TERB1: variants seen among roughly 807,000 people sequenced by gnomAD.
The protein encoded by TERB1 is telomere repeats-binding bouquet formation protein 1.
In TERB1, 63 loss-of-function variants were observed where a neutral mutation model predicts 92.3. The ratio of observed to expected loss-of-function variants is 0.68; its 90% CI spans 0.56 to 0.84. The LOEUF is 0.84. Ranked by LOEUF, TERB1 falls within the 40% of genes least tolerant of loss-of-function variation. The pLI is 0.00. For synonymous variants in TERB1, 252 were observed against 283.9 expected (o/e 0.89, Z 1.13); for missense variants, 709 against 843.7 (o/e 0.84, Z 1.98).
Position 66,763,560 on chromosome 16 carries a change from G to A in TERB1, c.1780+3855C>T, listed in dbSNP as rs370112942. 2.6e-5 allele frequency among the ~76,000 whole-genome samples: 4 copies of A among 152,136 alleles called. No homozygotes were observed. The East Asian group carries it at 5.8e-4, about 22-fold the overall frequency. On this transcript the variant is annotated intron_variant, in intron 16 of 18. Transcript: ENST00000433154. ...TCATATTAAGAGGTACATATTGTCC[G>A]TCTCTCTCTTTTTTAAAAAAGAAAT...
At position 66,797,623 on chromosome 16, in the gene TERB1, C is replaced by A. The variant is rs940286795; in HGVS notation, c.-32-793G>T. 2.1e-5 allele frequency among the ~76,000 whole-genome samples: 3 copies of A among 140,846 alleles called. No individual in the cohort carries two copies. In the Admixed American group the frequency reaches 2.2e-4, roughly 10 times the overall value. 92.4% of individuals were successfully genotyped at this position (140,846 alleles called of 152,430 possible). A position where few individuals can be genotyped will look rare whatever the true frequency, so the allele number is the denominator to read the frequency against. On this transcript the variant is annotated intron_variant, in intron 2 of 18. Transcript: ENST00000433154. ...TACCTAAGAGAGGTTTAAAAACACA[C>A]CACACACACACACACACACACACAC...
At chr16:66,761,488 A>G (rs1174672952) in intron 16 of TERB1, among the ~76,000 whole-genome samples, 3 of 150,802 alleles carry the variant, frequency 2.0e-5, no homozygotes, top group Non-Finnish European at 4.4e-5. Flanking sequence ...AAAGAAAAGA[A>G]AAGAGCATCT....
intron 14 of TERB1, 146 bp downstream of exon 14, chr16:66,769,817 C>G (rs560698651): frequency 3.3e-5 from 22 of 660,086 alleles, no homozygotes; most frequent in Middle Eastern, 4.2e-4. Context: ...AACTCCTTTC[C>G]CAACACTTCC....
intron 2 of TERB1, among the ~76,000 whole-genome samples, chr16:66,797,273 A>T (rs1959201335): frequency 7.0e-6 from 1 of 142,618 alleles, no homozygotes; most frequent in Non-Finnish European, 1.5e-5. Flanking sequence ...TCTCACTCTG[A>T]CACCCAGGCT....
rs568597175 is a variant in TERB1, at chr16:66,776,260, C to T, written c.985+943G>A. The stretch of plus-strand genomic sequence containing the variant: ...AGGAGAATTGCTTGAACCTGGGAGG[C>T]GGAGGTTGCAGTGAGCCAAGATTGC... On this transcript the variant is annotated intron_variant, in intron 11 of 18. Coordinates refer to ENST00000433154, the MANE Select transcript of TERB1 (RefSeq NM_001136505.2). Among the ~76,000 whole-genome samples, 9 of 148,122 alleles carry T rather than the reference C, an allele frequency of 6.1e-5. No homozygotes were observed. The East Asian group carries it at 1.0e-3, about 17-fold the overall frequency.
At position 66,794,396 on chromosome 16, in the gene TERB1, G is replaced by A. The variant is rs193143268; in HGVS notation, c.31+2372C>T. Reference sequence around the variant, plus strand: ...ATTATAAGTGTGAGCCACCAAGCCTGGTCTGCAAGAAACTTCTTTACGTAT... The same window carrying A: ...ATTATAAGTGTGAGCCACCAAGCCTAGTCTGCAAGAAACTTCTTTACGTAT... On this transcript the variant is annotated intron_variant, in intron 3 of 18. Coordinates refer to ENST00000433154, the MANE Select transcript of TERB1 (RefSeq NM_001136505.2). Among the ~76,000 whole-genome samples, 6 of 150,522 alleles carry A rather than the reference G, an allele frequency of 4.0e-5. No homozygotes were observed. In the East Asian group the frequency reaches 1.2e-3, roughly 29 times the overall value.
intron 3 of TERB1, among the ~76,000 whole-genome samples, chr16:66,795,756 C>CTATT (rs983378220): frequency 6.6e-6 from 1 of 152,104 alleles, no homozygotes; most frequent in African/African-American, 2.4e-5. Flanking sequence ...ATATATCTTA[C>CTATT]TATTTATTTA....
At chr16:66,764,953 ATACATAT>A (rs1294069480) in intron 16 of TERB1, among the ~76,000 whole-genome samples, 1 of 152,258 alleles carries the variant, frequency 6.6e-6, no homozygotes, top group African/African-American at 2.4e-5. Flanking sequence ...AAAAGTCAAG[ATACATAT>A]TTGAAAACCA....
rs1475837580 is a variant in TERB1, at chr16:66,758,809, G to A, written c.1960C>T (p.Arg654Ter). ...GGGGTAGTAGATTCATTACTGAGTC[G>A]TTGTCTTCTACGTGGGGTCAGCAGA... ...KILLTPRRRQ[R>*]LSNESTTPGG... The change falls in exon 18 of 19, where the codon CGA (arginine) becomes TGA (stop). Residue 654 changes from arginine to a stop codon, truncating the protein, a stop_gained. Transcript: ENST00000433154. LOFTEE classifies it high-confidence loss of function. The A allele has an allele frequency of 8.5e-6, 13 of 1,535,612 alleles. No individual in the cohort carries two copies. The highest frequency in any genetic ancestry group is 1.2e-5 in the South Asian group (1 of 81,688).
intron 18 of TERB1, among the ~76,000 whole-genome samples, chr16:66,756,220 A>C (rs2145032780): frequency 6.6e-6 from 1 of 152,302 alleles, no homozygotes; most frequent in Non-Finnish European, 1.5e-5. Flanking sequence ...TACTGGGTGC[A>C]GTTGTCCTGG....
At chr16:66,759,013 T>A in intron 17 of TERB1, 128 bp downstream of exon 17, 1 of 1,000,504 alleles carries the variant, frequency 1.0e-6, no homozygotes, top group Non-Finnish European at 1.4e-6. Flanking sequence ...TTCAATTACT[T>A]GTTGCTTAGA....
intron 5 of TERB1, among the ~76,000 whole-genome samples, chr16:66,790,343 AAGAAAG>A (rs1415649462): frequency 1.5e-5 from 2 of 137,768 alleles, no homozygotes; most frequent in African/African-American, 6.8e-5. Flanking sequence ...AGAGAAAAGA[AAGAAAG>A]AGAGAGAGAG....
chr16:66,788,245 C>T lies in TERB1; in HGVS notation c.324G>A (p.Trp108Ter). Residue 108 changes from tryptophan (W) to a stop codon, truncating the protein, a stop_gained, in exon 6 of 19, where the codon TGG (tryptophan) becomes TGA (stop). Coordinates refer to ENST00000433154, the MANE Select transcript of TERB1 (RefSeq NM_001136505.2). LOFTEE classifies it high-confidence loss of function. The part of the protein sequence containing the change: ...CTSELFEDLT[W>*]FLSNDSNINL... ...TTATGTTTGAATCATTAGATAAGAA[C>T]CAAGTTAAGTCTTCAAACAACTCTG... The T allele has an allele frequency of 6.6e-7, 1 of 1,512,224 alleles. No individual in the cohort carries two copies. 93.7% of individuals were successfully genotyped at this position (1,512,224 alleles called of 1,614,324 possible). A position where few individuals can be genotyped will look rare whatever the true frequency, so the allele number is the denominator to read the frequency against.
At position 66,772,711 on chromosome 16, in the gene TERB1, C is replaced by T; in HGVS notation, c.1150G>A (p.Asp384Asn). ...LSLSLGEYPF[D>N]ENETQQLKDI... ...TTTAATTGCTGTGTTTCATTTTCAT[C>T]AAAAGGATATTCTCCTAGACTTAGA... The change falls in exon 13 of 19, where the codon GAT becomes AAT. Residue 384 changes from aspartate (D) to asparagine (N), a missense_variant. Transcript: ENST00000433154. 6.5e-7 allele frequency: 1 copy of T among 1,548,388 alleles called. No individual in the cohort carries two copies. Among genetic ancestry groups the T allele is most frequent in the Non-Finnish European group, 8.7e-7 (1 of 1,145,066 alleles).
chr16:66,782,415 T>A lies in TERB1; in HGVS notation c.700+3371A>T, dbSNP rs192158311. ...AAATACAAAAATTAGCCAGGCTTGG[T>A]GGCGGGCACCCGTAATCCCAGCTAC... On this transcript the variant is annotated intron_variant, in intron 9 of 18. Coordinates refer to ENST00000433154, the MANE Select transcript of TERB1 (RefSeq NM_001136505.2). Among the ~76,000 whole-genome samples, 391 of 152,146 alleles carry A rather than the reference T, an allele frequency of 2.6e-3. 3 individuals are homozygous for A. Among genetic ancestry groups the A allele is most frequent in the African/African-American group, 8.7e-3 (360 of 41,496 alleles).
At chr16:66,792,121 T>G (rs2018845766) in intron 3 of TERB1, among the ~76,000 whole-genome samples, 1 of 152,198 alleles carries the variant, frequency 6.6e-6, no homozygotes, top group African/African-American at 2.4e-5. Flanking sequence ...AAGGTTGATT[T>G]ATGATTTAAA....
At chr16:66,755,248 C>G (rs960271626) in intron 18 of TERB1, 85 bp from the exon 19 acceptor site, 1 of 795,344 alleles carries the variant, frequency 1.3e-6, no homozygotes, top group Non-Finnish European at 2.0e-6. Flanking sequence ...ATATGCTTAA[C>G]TTATACCTAA....
At chr16:66,784,649 G>C (rs548807703) in intron 9 of TERB1, among the ~76,000 whole-genome samples, 1 of 150,988 alleles carries the variant, frequency 6.6e-6, no homozygotes, top group East Asian at 2.0e-4. Context: ...TAGTATAATT[G>C]ACTTGAGACC....
At chr16:66,775,522 T>C (rs1223594163) in intron 11 of TERB1, among the ~76,000 whole-genome samples, 1 of 151,872 alleles carries the variant, frequency 6.6e-6, no homozygotes, top group South Asian at 2.1e-4. Context: ...TAATCCCAAC[T>C]TCTCAGGAAA....
Sources: allele counts gnomAD v4.1 joint callset (sites outside exome capture counted in the v4.1 genomes callset), GRCh38; gene constraint gnomAD v4.1.1; transcripts MANE v1.5; gene names NCBI Gene and HGNC (gene_info 2026-07-23, HGNC 2026-07-21).